The following AGMO variants were observed in gnomAD, a reference collection of about 807,000 sequenced individuals.
AGMO encodes glyceryl-ether monooxygenase.
A neutral mutation model predicts 60.2 loss-of-function variants in AGMO; 75 were observed. The ratio of observed to expected loss-of-function variants is 1.25; its 90% CI spans 1.03 to 1.51. The LOEUF is 1.51. Among genes scored for constraint, AGMO ranks in the 40% most tolerant of loss-of-function variants. The pLI is 0.00. For missense variants in AGMO, 763 were observed against 525.5 expected, an observed-to-expected ratio of 1.45 and a Z score of -4.42; for synonymous variants, 261 against 177.1, an observed-to-expected ratio of 1.47 and a Z score of -3.76.
At chr7:15,158,565 C>CAATAGCATTCATGCAAAGGA in the AGMO span, among the ~76,000 whole-genome samples, 4 of 152,164 alleles carry the variant, frequency 2.6e-5, no homozygotes, top group Admixed American at 2.0e-4. Context: ...TGTGGAATCA[C>CAATAGCATTCATGCAAAGGA]AATAGCATTC....
chr7:15,405,253 C>G (rs748562487), intron 5 of AGMO, among the ~76,000 whole-genome samples: 8 of 151,902 alleles, frequency 5.3e-5, no homozygotes, highest in Non-Finnish European at 7.4e-5. Flanking sequence ...ATCTACTTAA[C>G]ACAATCAGTG....
At chr7:15,525,985 C>A (rs756821304) in intron 3 of AGMO, among the ~76,000 whole-genome samples, 3 of 152,202 alleles carry the variant, frequency 2.0e-5, no homozygotes, top group Non-Finnish European at 4.4e-5. Flanking sequence ...GCAAGCCCTG[C>A]ATGGAACTCA....
intron 3 of AGMO, among the ~76,000 whole-genome samples, chr7:15,505,580 G>A (rs1158432014): frequency 6.6e-6 from 1 of 151,796 alleles, no homozygotes; most frequent in East Asian, 1.9e-4. Flanking sequence ...AATAAGCATT[G>A]GCCTCTACTT....
At chr7:15,120,258 C>G in the AGMO span, among the ~76,000 whole-genome samples, 1 of 152,038 alleles carries the variant, frequency 6.6e-6, no homozygotes, top group African/African-American at 2.4e-5. Context: ...AAAATGCTTT[C>G]CCAAGGTCAC....
At chr7:15,255,003 A>G (rs997425771) in intron 12 of AGMO, among the ~76,000 whole-genome samples, 6 of 152,008 alleles carry the variant, frequency 3.9e-5, no homozygotes, top group African/African-American at 1.4e-4. Flanking sequence ...CCCATCACAT[A>G]TACACCATGG....
At chr7:15,168,900 A>T in the AGMO span, among the ~76,000 whole-genome samples, 2 of 152,244 alleles carry the variant, frequency 1.3e-5, no homozygotes, top group Non-Finnish European at 2.9e-5. Context: ...AAATTCTGAC[A>T]GGCTCTATGG....
At chr7:15,244,384 A>T (rs1782681449) in intron 12 of AGMO, among the ~76,000 whole-genome samples, 1 of 152,064 alleles carries the variant, frequency 6.6e-6, no homozygotes, top group Non-Finnish European at 1.5e-5. Flanking sequence ...GAGGCTATAG[A>T]CTGTATATCT....
chr7:15,475,339 C>T (rs1474550828), intron 3 of AGMO, among the ~76,000 whole-genome samples: 1 of 152,104 alleles, frequency 6.6e-6, no homozygotes, highest in African/African-American at 2.4e-5. Flanking sequence ...GGCACATATA[C>T]ACCATGTAAT....
intron 12 of AGMO, among the ~76,000 whole-genome samples, chr7:15,276,307 C>A (rs1783784856): frequency 6.6e-6 from 1 of 151,922 alleles, no homozygotes; most frequent in Non-Finnish European, 1.5e-5. Context: ...TGGCAGGATA[C>A]AAAAGTATCG....
At chr7:15,313,054 T>C (rs1371149710) in intron 12 of AGMO, among the ~76,000 whole-genome samples, 2 of 152,108 alleles carry the variant, frequency 1.3e-5, no homozygotes, top group East Asian at 1.9e-4. Context: ...GAGAAAGATA[T>C]TGGAAATACA....
At chr7:15,305,039 G>A (rs1050884072) in intron 12 of AGMO, among the ~76,000 whole-genome samples, 2 of 151,704 alleles carry the variant, frequency 1.3e-5, no homozygotes, top group African/African-American at 4.8e-5. Context: ...TTAATATTAA[G>A]AATATATAGT....
At chr7:15,153,881 T>A in the AGMO span, among the ~76,000 whole-genome samples, 1 of 152,112 alleles carries the variant, frequency 6.6e-6, no homozygotes, top group African/African-American at 2.4e-5. Flanking sequence ...AGAATAATGG[T>A]GGTATTTTGA....
At chr7:15,284,885 C>T (rs1007880518) in intron 12 of AGMO, among the ~76,000 whole-genome samples, 1 of 151,976 alleles carries the variant, frequency 6.6e-6, no homozygotes, top group African/African-American at 2.4e-5. Context: ...AAATCATGAT[C>T]AAGTGGGTTT....
At chr7:15,164,759 G>A in the AGMO span, among the ~76,000 whole-genome samples, 1 of 152,046 alleles carries the variant, frequency 6.6e-6, no homozygotes, top group East Asian at 1.9e-4. Flanking sequence ...ATATTAGCAA[G>A]GATGCAGAGA....
chr7:15,245,079 T>C (rs1013036448), intron 12 of AGMO, among the ~76,000 whole-genome samples: 3 of 152,200 alleles, frequency 2.0e-5, no homozygotes, highest in African/African-American at 7.2e-5. Context: ...AACTAAAGGT[T>C]AGCCTGTGGA....
At chr7:15,409,798 G>C (rs545631942) in intron 5 of AGMO, among the ~76,000 whole-genome samples, 1 of 151,758 alleles carries the variant, frequency 6.6e-6, no homozygotes, top group African/African-American at 2.4e-5. Flanking sequence ...TAGTAGATTA[G>C]AGCAAAGAAT....
chr7:15,293,126 T>C (rs939186720), intron 12 of AGMO, among the ~76,000 whole-genome samples: 1 of 152,104 alleles, frequency 6.6e-6, no homozygotes, highest in Non-Finnish European at 1.5e-5. Flanking sequence ...ATATTCATTC[T>C]ATGAGCCAGG....
At chr7:15,365,395 A>AAAAAAAAAAAAAG in intron 12 of AGMO, 119 bp downstream of exon 12, 2 of 477,682 alleles carry the variant, frequency 4.2e-6, no homozygotes, top group East Asian at 7.3e-5. Flanking sequence ...AAAAAAAAAA[A>AAAAAAAAAAAAAG]GATCAAGATT....
At chr7:15,382,162 TTAAAA>T (rs761624900) in intron 10 of AGMO, among the ~76,000 whole-genome samples, 4 of 152,086 alleles carry the variant, frequency 2.6e-5, no homozygotes, top group African/African-American at 4.8e-5. Flanking sequence ...ACCCCCGAAC[TTAAAA>T]TAAAAGTTTA....
Sources: allele counts gnomAD v4.1 joint callset (sites outside exome capture counted in the v4.1 genomes callset), GRCh38; gene constraint gnomAD v4.1.1; transcripts MANE v1.5; gene names NCBI Gene and HGNC (gene_info 2026-07-23, HGNC 2026-07-21).